The following ITGB5 variants were observed in gnomAD, a reference collection of about 807,000 sequenced individuals.
The protein encoded by ITGB5 is integrin subunit beta 5.
Under a neutral mutation model 84.8 loss-of-function variants are expected in ITGB5, and 38 were observed. The observed-to-expected ratio is 0.45, with a 90% CI of 0.35 to 0.59. The LOEUF is 0.59. Ranked by LOEUF, ITGB5 falls within the 20% of genes least tolerant of loss-of-function variation. The pLI, the probability that ITGB5 is intolerant of heterozygous loss-of-function variation, is 0.01. For missense variants in ITGB5, 905 were observed against 1,034.5 expected, an observed-to-expected ratio of 0.87 and a Z score of 1.72; for synonymous variants, 393 against 414.4, an observed-to-expected ratio of 0.95 and a Z score of 0.63.
intron 1 of ITGB5, among the ~76,000 whole-genome samples, chr3:124,895,908 T>C (rs1935092510): frequency 6.6e-6 from 1 of 152,232 alleles, no homozygotes; most frequent in Non-Finnish European, 1.5e-5. Context: ...TGCCACCCTC[T>C]GGACCTCAGT....
chr3:124,841,684 C>G, intron 4 of ITGB5, 133 bp from the exon 5 acceptor site: 1 of 749,736 alleles, frequency 1.3e-6, no homozygotes, highest in South Asian at 1.8e-5. Context: ...TGCCCCAGGA[C>G]AGGCACAGCA....
At chr3:124,853,019 C>T (rs1330674297) in intron 3 of ITGB5, among the ~76,000 whole-genome samples, 1 of 152,022 alleles carries the variant, frequency 6.6e-6, no homozygotes, top group African/African-American at 2.4e-5. Context: ...TTTATTTTTT[C>T]TTCTTTCTTC....
intron 10 of ITGB5, among the ~76,000 whole-genome samples, chr3:124,783,893 C>G (rs2064041983): frequency 6.6e-6 from 1 of 152,190 alleles, no homozygotes; most frequent in Non-Finnish European, 1.5e-5. Flanking sequence ...TCAGGGACAG[C>G]TGCTCCTCTG....
intron 5 of ITGB5, among the ~76,000 whole-genome samples, chr3:124,835,401 C>T (rs1316847762): frequency 1.3e-5 from 2 of 152,232 alleles, no homozygotes; most frequent in East Asian, 1.9e-4. Context: ...GGGGAAGCTG[C>T]GCCACACCTG....
chr3:124,803,778 T>C (rs1186517101), intron 9 of ITGB5, among the ~76,000 whole-genome samples: 3 of 152,184 alleles, frequency 2.0e-5, no homozygotes, highest in African/African-American at 7.2e-5. Flanking sequence ...TAGAGTCCTT[T>C]GAAATAGGTT....
At chr3:124,825,569 C>G (rs1031893501) in intron 5 of ITGB5, among the ~76,000 whole-genome samples, 1 of 152,094 alleles carries the variant, frequency 6.6e-6, no homozygotes, top group Non-Finnish European at 1.5e-5. Flanking sequence ...CAAAGCATTA[C>G]GTTAAGGGCA....
chr3:124,818,321 C>T (rs2064638742), intron 7 of ITGB5, among the ~76,000 whole-genome samples: 1 of 152,080 alleles, frequency 6.6e-6, no homozygotes, highest in Admixed American at 6.6e-5. Context: ...AGAGACATCT[C>T]CCACCCTCTG....
intron 10 of ITGB5, among the ~76,000 whole-genome samples, chr3:124,775,301 TGA>T (rs1026946596): frequency 7.5e-5 from 11 of 145,896 alleles, no homozygotes; most frequent in South Asian, 2.2e-4. Context: ...CAAGTGTGCA[TGA>T]GTGTGTACAA....
chr3:124,887,488 A>T (rs1934882309), upstream of ITGB5: 1 of 185,888 alleles, frequency 5.4e-6, no homozygotes, highest in Non-Finnish European at 1.2e-5. Context: ...CGGTCAGCTT[A>T]CGGTGAGGCG....
At chr3:124,810,549 G>A (rs191253466) in intron 8 of ITGB5, among the ~76,000 whole-genome samples, 1 of 152,206 alleles carries the variant, frequency 6.6e-6, no homozygotes, top group Admixed American at 6.5e-5. Context: ...AATGAGCTAT[G>A]ATCATGCCAG....
chr3:124,891,360 A>G (rs898292257), upstream of ITGB5, among the ~76,000 whole-genome samples: 20 of 152,168 alleles, frequency 1.3e-4, no homozygotes, highest in African/African-American at 4.8e-4. Context: ...TGTAGTAGGT[A>G]CTTATAGTGG....
chr3:124,821,327 C>A lies in ITGB5; in HGVS notation c.928G>T (p.Ala310Ser), dbSNP rs759925745. The A allele has an allele frequency of 1.2e-5, 20 of 1,613,328 alleles. No individual in the cohort carries two copies. The African/African-American group carries it at 2.7e-4, about 22-fold the overall frequency. Residue 310 changes from alanine (A) to serine (S), a missense_variant, in exon 6 of 15, where the codon GCA becomes TCA. Physicochemically the swap from Ala to Ser is moderately conservative, Grantham distance 99 (BLOSUM62 1). Around this residue, in one of 3 missense-constraint regions of ITGB5, gnomAD observed 656 missense variants for 734.7 expected, o/e 0.89. Transcript: ENST00000296181. ...CCGGCACTCACCATCTGGTTGGATG[C>A]AGTGTACTCGTTGGCCTCGTTCAGG... ...CHLNEANEYTASNQMDYPSLA... is the reference protein window; with the variant it reads ...CHLNEANEYTSSNQMDYPSLA...
intron 3 of ITGB5, among the ~76,000 whole-genome samples, chr3:124,853,807 C>T (rs775222929): frequency 4.6e-5 from 7 of 152,098 alleles, no homozygotes; most frequent in Middle Eastern, 6.3e-3. Context: ...TTGAGGACAG[C>T]GGAGAAGGGT....
At chr3:124,791,496 A>G (rs1579202976) in intron 10 of ITGB5, 1 of 152,214 alleles carries the variant, frequency 6.6e-6, no homozygotes, top group Non-Finnish European at 1.5e-5. Flanking sequence ...CTTGGCAGGG[A>G]CAAGGACTGT....
rs550583702 is a variant in ITGB5 at position 124,863,765 on chromosome 3, T to C, written c.157-4319A>G. ...AACTCCTGACCTCAGATGATCGCCA[T>C]GGCCGCCCAAAATGCTGGGCTTACA... On this transcript the variant is annotated intron_variant, in intron 2 of 14. Transcript: ENST00000296181. Among the ~76,000 whole-genome samples the C allele has an allele frequency of 9.0e-4, 137 of 152,252 alleles. 1 individual carries two copies. Among genetic ancestry groups the C allele is most frequent in the Non-Finnish European group, 2.4e-4 (16 of 68,010 alleles).
rs2150918480 is a variant in ITGB5, at chr3:124,764,419, C to T, written c.2276G>A (p.Ser759Asn). ...HDRREFAKFQ[S>N]ERSRARYEMA... The stretch of plus-strand genomic sequence containing the variant: ...TTCATAGCGGGCCCTGGATCGCTCG[C>T]TCTGAAACTTTGCAAACTCCCTCCG... The change falls in exon 14 of 15, where the codon AGC (serine) becomes AAC (asparagine). Residue 759 changes from serine (S) to asparagine (N), a missense_variant. Coordinates refer to ENST00000296181, the MANE Select transcript of ITGB5 (RefSeq NM_002213.5). The T allele has an allele frequency of 6.2e-7, 1 of 1,613,626 alleles. No homozygotes were observed. The highest frequency in any genetic ancestry group is 2.2e-5 in the East Asian group (1 of 44,876).
chr3:124,871,088 G>A (rs1022502590), intron 2 of ITGB5, among the ~76,000 whole-genome samples: 1 of 151,928 alleles, frequency 6.6e-6, no homozygotes, highest in Non-Finnish European at 1.5e-5. Flanking sequence ...ACGGGGTTTC[G>A]TCATGTTGCC....
At chr3:124,802,658 A>G (rs2064333361) in intron 9 of ITGB5, among the ~76,000 whole-genome samples, 1 of 152,198 alleles carries the variant, frequency 6.6e-6, no homozygotes, top group African/African-American at 2.4e-5. Context: ...CATGGACCCC[A>G]TATTTTCATT....
chr3:124,772,185 C>T (rs572880934), intron 11 of ITGB5, among the ~76,000 whole-genome samples: 1 of 152,300 alleles, frequency 6.6e-6, no homozygotes, highest in South Asian at 2.1e-4. Context: ...CTTCCCCGGG[C>T]TGTTTCTACT....
Sources: allele counts gnomAD v4.1 joint callset (sites outside exome capture counted in the v4.1 genomes callset), GRCh38; gene constraint gnomAD v4.1.1; regional missense constraint gnomAD v4.1.1; transcripts MANE v1.5; gene names NCBI Gene and HGNC (gene_info 2026-07-23, HGNC 2026-07-21).